Variants in LRRTM4 observed in about 807,000 individuals in gnomAD.
LRRTM4 encodes leucine rich repeat transmembrane neuronal 4.
In LRRTM4, 25 loss-of-function variants were observed where a neutral mutation model predicts 47.6. That is an observed-to-expected ratio of 0.53 (90% CI 0.38 to 0.73). The LOEUF is 0.73. Among genes scored for constraint, LRRTM4 ranks in the 30% least tolerant of loss-of-function variants. LRRTM4 has a pLI of 0.00. For synonymous variants in LRRTM4, 311 were observed against 269.5 expected (o/e 1.15, Z -1.51); for missense variants, 638 against 713.4 (o/e 0.89, Z 1.20).
chr2:76,984,252 T>G (rs905603506), intron 3 of LRRTM4, among the ~76,000 whole-genome samples: 12 of 151,944 alleles, frequency 7.9e-5, no homozygotes, highest in Non-Finnish European at 1.3e-4. Context: ...AGCAATTGCT[T>G]TTTTATATAA....
chr2:77,174,059 C>A (rs1673126481), intron 3 of LRRTM4, among the ~76,000 whole-genome samples: 1 of 152,036 alleles, frequency 6.6e-6, no homozygotes, highest in Non-Finnish European at 1.5e-5. Flanking sequence ...GCTGCCACCC[C>A]CTAAGGAGGG....
chr2:77,038,080 AG>A (rs1678897546), intron 3 of LRRTM4, among the ~76,000 whole-genome samples: 2 of 151,590 alleles, frequency 1.3e-5, no homozygotes, highest in African/African-American at 2.4e-5. Context: ...TTTCTTTTGT[AG>A]ACTTCTTTTC....
chr2:77,463,540 C>T (rs190082114), intron 3 of LRRTM4, among the ~76,000 whole-genome samples: 1 of 152,106 alleles, frequency 6.6e-6, no homozygotes, highest in Non-Finnish European at 1.5e-5. Context: ...TTTCTAAGTG[C>T]ATTTTTACAA....
chr2:76,922,629 G>C (rs1262262170), intron 3 of LRRTM4, among the ~76,000 whole-genome samples: 1 of 152,082 alleles, frequency 6.6e-6, no homozygotes, highest in Non-Finnish European at 1.5e-5. Context: ...GGGAGGTAAA[G>C]CAAGTAAAGA....
chr2:77,448,645 T>C (rs1038343953), intron 3 of LRRTM4, among the ~76,000 whole-genome samples: 32 of 149,048 alleles, frequency 2.1e-4, no homozygotes, highest in Non-Finnish European at 3.3e-4. Flanking sequence ...CAAAAAAAGA[T>C]GAAGTAAAAT....
At chr2:77,174,053 C>T (rs995024886) in intron 3 of LRRTM4, among the ~76,000 whole-genome samples, 2 of 152,018 alleles carry the variant, frequency 1.3e-5, no homozygotes, top group African/African-American at 4.8e-5. Flanking sequence ...AGTTGTGCTG[C>T]CACCCCCTAA....
chr2:77,186,138 A>T (rs1253128333), intron 3 of LRRTM4, among the ~76,000 whole-genome samples: 1 of 152,142 alleles, frequency 6.6e-6, no homozygotes, highest in Non-Finnish European at 1.5e-5. Flanking sequence ...ATTTCTATCA[A>T]ACTAGTTCTC....
At chr2:76,915,874 A>G (rs1470697016) in intron 3 of LRRTM4, among the ~76,000 whole-genome samples, 2 of 152,186 alleles carry the variant, frequency 1.3e-5, no homozygotes, top group African/African-American at 2.4e-5. Flanking sequence ...ATAAAAGTAG[A>G]TTATTAAATA....
intron 3 of LRRTM4, among the ~76,000 whole-genome samples, chr2:76,908,315 A>G (rs1281698396): frequency 6.6e-6 from 1 of 152,172 alleles, no homozygotes; most frequent in Admixed American, 6.5e-5. Context: ...AAAACTCTCA[A>G]TAAATTAGGT....
intron 3 of LRRTM4, among the ~76,000 whole-genome samples, chr2:77,253,525 A>G (rs1462537563): frequency 1.3e-5 from 2 of 152,138 alleles, no homozygotes; most frequent in Non-Finnish European, 2.9e-5. Flanking sequence ...GCAGTTATTC[A>G]TAATTTAATT....
chr2:76,775,540 TAA>T (rs1285254041), intron 3 of LRRTM4, among the ~76,000 whole-genome samples: 1 of 152,020 alleles, frequency 6.6e-6, no homozygotes, highest in African/African-American at 2.4e-5. Flanking sequence ...AGAATCAATT[TAA>T]AAAAAGAGTT....
intron 3 of LRRTM4, among the ~76,000 whole-genome samples, chr2:76,908,709 A>G (rs577026714): frequency 6.6e-6 from 1 of 152,166 alleles, no homozygotes; most frequent in Non-Finnish European, 1.5e-5. Flanking sequence ...AGAGACAAAC[A>G]GAGAGCCAAA....
chr2:77,335,654 C>T (rs1345436422), intron 3 of LRRTM4, among the ~76,000 whole-genome samples: 1 of 152,086 alleles, frequency 6.6e-6, no homozygotes. Context: ...AAATAATATT[C>T]ATTTATCATA....
At chr2:77,443,222 A>G (rs1425349718) in intron 3 of LRRTM4, among the ~76,000 whole-genome samples, 1 of 152,102 alleles carries the variant, frequency 6.6e-6, no homozygotes, top group Non-Finnish European at 1.5e-5. Context: ...TATTCTAAGA[A>G]AGGTTTCAAA....
At chr2:77,433,681 C>G (rs1470755431) in intron 3 of LRRTM4, among the ~76,000 whole-genome samples, 1 of 152,086 alleles carries the variant, frequency 6.6e-6, no homozygotes, top group Non-Finnish European at 1.5e-5. Context: ...GAAGCCATAG[C>G]AGACATTGAA....
At chr2:77,274,763 CAG>C (rs1375540106) in intron 3 of LRRTM4, among the ~76,000 whole-genome samples, 1 of 152,094 alleles carries the variant, frequency 6.6e-6, no homozygotes, top group Non-Finnish European at 1.5e-5. Flanking sequence ...ATTATTAAGA[CAG>C]AGATAAAAGG....
At chr2:76,995,610 A>G (rs1035812584) in intron 3 of LRRTM4, among the ~76,000 whole-genome samples, 7 of 152,044 alleles carry the variant, frequency 4.6e-5, no homozygotes, top group African/African-American at 1.7e-4. Flanking sequence ...CCACAAAAGT[A>G]GATCCAAAAA....
At chr2:76,778,675 C>T (rs185417407) in intron 3 of LRRTM4, among the ~76,000 whole-genome samples, 17,055 of 151,392 alleles carry the variant, frequency 0.11, 1,314 homozygotes, top group East Asian at 0.28. Flanking sequence ...GTCTTGCTAG[C>T]GGTCTATCAA....
At chr2:77,420,615 G>A (rs908379159) in intron 3 of LRRTM4, among the ~76,000 whole-genome samples, 12 of 150,884 alleles carry the variant, frequency 8.0e-5, no homozygotes, top group African/African-American at 2.9e-4. Flanking sequence ...TGACTTCGTA[G>A]TGTATGTGAT....
Sources: gnomAD v4.1 joint callset for allele counts (sites outside exome capture counted in the v4.1 genomes callset) on GRCh38, gnomAD v4.1.1 for gene constraint, MANE v1.5 for transcripts, NCBI Gene and HGNC (gene_info 2026-07-23, HGNC 2026-07-21) for gene names.